Variants in ITGA9 observed in about 807,000 individuals in gnomAD.
The protein encoded by ITGA9 is integrin alpha-9.
A neutral mutation model predicts 127.8 loss-of-function variants in ITGA9; 56 were observed. That is an observed-to-expected ratio of 0.44 (90% CI 0.35 to 0.55). The LOEUF (loss-of-function observed/expected upper bound fraction) is 0.55. Ranked by LOEUF, ITGA9 falls within the 20% of genes least tolerant of loss-of-function variation. The pLI is 0.00. For synonymous variants in ITGA9, 508 were observed against 514.5 expected (o/e 0.99, Z 0.17); for missense variants, 1,196 against 1,347.1 (o/e 0.89, Z 1.76).
At chr3:37,589,325 C>A (rs1699789856) in intron 15 of ITGA9, among the ~76,000 whole-genome samples, 1 of 152,136 alleles carries the variant, frequency 6.6e-6, no homozygotes, top group Non-Finnish European at 1.5e-5. Context: ...TCATAGAGCA[C>A]CTATCATGTG....
intron 1 of ITGA9, among the ~76,000 whole-genome samples, chr3:37,466,123 ATGTGCCTGCT>A (rs1408339100): frequency 2.6e-5 from 4 of 152,068 alleles, no homozygotes; most frequent in African/African-American, 4.8e-5. Context: ...TGCACACTCT[ATGTGCCTGCT>A]ACATGCTGGT....
chr3:37,461,537 A>G (rs151097935), intron 1 of ITGA9, among the ~76,000 whole-genome samples: 60 of 152,302 alleles, frequency 3.9e-4, no homozygotes, highest in African/African-American at 1.4e-3. Flanking sequence ...TATGAAACCA[A>G]TGGTCTTTTT....
At chr3:37,619,601 G>C (rs560868048) in intron 15 of ITGA9, among the ~76,000 whole-genome samples, 99 of 152,274 alleles carry the variant, frequency 6.5e-4, no homozygotes, top group African/African-American at 2.3e-3. Flanking sequence ...TAGTTTTCTA[G>C]GCCACTTCAA....
chr3:37,468,023 G>A (rs987373657), intron 1 of ITGA9, among the ~76,000 whole-genome samples: 4 of 152,172 alleles, frequency 2.6e-5, no homozygotes, highest in Non-Finnish European at 5.9e-5. Flanking sequence ...TTGAGTTACA[G>A]CAGACAAGGG....
At chr3:37,522,718 A>C (rs1010606672) in intron 11 of ITGA9, among the ~76,000 whole-genome samples, 6 of 111,784 alleles carry the variant, frequency 5.4e-5, no homozygotes, top group African/African-American at 1.6e-4. Flanking sequence ...GCAAGACTCT[A>C]TCTCTTAAAA....
chr3:37,674,009 C>T lies in ITGA9; in HGVS notation c.1917-9856C>T, dbSNP rs138785590. On this transcript the variant is annotated intron_variant, in intron 17 of 27. Transcript: ENST00000264741. Reference sequence around the variant, plus strand: ...CTTTCTAGGACATGGCCTTAGCCTTCATAATACTGTTTGTTTACAGATTTC... The same window carrying T: ...CTTTCTAGGACATGGCCTTAGCCTTTATAATACTGTTTGTTTACAGATTTC... Among the ~76,000 whole-genome samples the T allele has an allele frequency of 4.3e-4, 66 of 152,306 alleles. No individual in the cohort carries two copies. The East Asian group carries it at 0.011, about 26-fold the overall frequency.
chr3:37,613,601 C>T (rs374991519), intron 15 of ITGA9, among the ~76,000 whole-genome samples: 2 of 152,158 alleles, frequency 1.3e-5, no homozygotes, highest in Admixed American at 6.6e-5. Context: ...GTGTTCTTAT[C>T]TCTCCACATC....
intron 18 of ITGA9, among the ~76,000 whole-genome samples, chr3:37,701,810 C>T (rs1700949401): frequency 6.6e-6 from 1 of 152,194 alleles, no homozygotes; most frequent in African/African-American, 2.4e-5. Flanking sequence ...TTCACTCACT[C>T]TTCTTTCTGG....
chr3:37,727,520 G>T (rs1696226851), intron 18 of ITGA9, among the ~76,000 whole-genome samples: 1 of 152,316 alleles, frequency 6.6e-6, no homozygotes, highest in East Asian at 1.9e-4. Flanking sequence ...CATTTATTCA[G>T]TGGCACTCAA....
At chr3:37,691,772 T>C (rs1439269304) in intron 18 of ITGA9, among the ~76,000 whole-genome samples, 1 of 152,100 alleles carries the variant, frequency 6.6e-6, no homozygotes, top group Non-Finnish European at 1.5e-5. Flanking sequence ...AGATGAGAGT[T>C]TGGGGCTTCA....
At chr3:37,568,715 G>T (rs1699572824) in intron 15 of ITGA9, among the ~76,000 whole-genome samples, 1 of 152,080 alleles carries the variant, frequency 6.6e-6, no homozygotes, top group South Asian at 2.1e-4. Context: ...TGCTAAAACA[G>T]CAAGAATCAC....
In ITGA9 at chr3:37,629,310, G is replaced by A; in HGVS notation, c.1813G>A (p.Gly605Arg). Residue 605 changes from glycine to arginine, a missense_variant, in exon 16 of 28, where the codon GGA (glycine) becomes AGA (arginine). Physicochemically the swap from Gly to Arg is moderately radical, Grantham distance 125. Transcript: ENST00000264741. This position sits in a 1 kb window ranked among gnomAD's most constrained non-coding sequence, Gnocchi z 4.5. ...PLTPVLRWKK[G>R]QKIAQKNQTV... ...GACACCAGTTCTCCGCTGGAAAAAG[G>A]GACAAAAGATTGCCCAAAAGAATCA... 5 of 1,614,076 alleles carry A rather than the reference G, an allele frequency of 3.1e-6. No homozygotes were observed. The highest frequency in any genetic ancestry group is 4.2e-6 in the Non-Finnish European group (5 of 1,180,022).
At chr3:37,661,172 G>T (rs750153817) in intron 17 of ITGA9, among the ~76,000 whole-genome samples, 3 of 152,224 alleles carry the variant, frequency 2.0e-5, no homozygotes, top group Non-Finnish European at 4.4e-5. Context: ...AGGTAGCCCT[G>T]TCTCTTATCC....
intron 18 of ITGA9, among the ~76,000 whole-genome samples, chr3:37,701,912 C>A (rs1700950811): frequency 6.6e-6 from 1 of 152,186 alleles, no homozygotes; most frequent in African/African-American, 2.4e-5. Context: ...CCACACAGGC[C>A]ATCTGGAAGC....
intron 15 of ITGA9, among the ~76,000 whole-genome samples, chr3:37,588,000 T>A (rs1699775378): frequency 6.6e-6 from 1 of 152,238 alleles, no homozygotes; most frequent in African/African-American, 2.4e-5. Flanking sequence ...TTGGGAAATC[T>A]TCCTGCTATC....
intron 17 of ITGA9, among the ~76,000 whole-genome samples, chr3:37,679,082 A>T (rs539579051): frequency 6.6e-6 from 1 of 152,296 alleles, no homozygotes; most frequent in Admixed American, 6.5e-5. Flanking sequence ...ATGCTGTAAG[A>T]TAAGCTTTAT....
At chr3:37,815,608 C>CAAA (rs71288088) in intron 27 of ITGA9, among the ~76,000 whole-genome samples, 2 of 92,560 alleles carry the variant, frequency 2.2e-5, no homozygotes, top group Non-Finnish European at 2.3e-5. Context: ...GACTCTGTCT[C>CAAA]AAAAAAAAAA....
Position 37,732,764 on chromosome 3 carries a change from G to C in ITGA9, c.2120G>C (p.Ser707Thr), listed in dbSNP as rs777235387. ...ELLESDFLKC[S>T]VGFPFMRSKS... ...CTGGAATCGGACTTCCTCAAATGCA[G>C]CGTGGGATTTCCTTTCATGAGGTCA... The change falls in exon 19 of 28, where the codon AGC becomes ACC. Residue 707 changes from serine (S) to threonine (T), a missense_variant. Physicochemically the swap from Ser to Thr is moderately conservative, Grantham distance 58. Transcript: ENST00000264741. 1 of 1,611,668 alleles carries C rather than the reference G, an allele frequency of 6.2e-7. No individual in the cohort carries two copies. The highest frequency in any genetic ancestry group is 8.5e-7 in the Non-Finnish European group (1 of 1,179,444).
intron 23 of ITGA9, among the ~76,000 whole-genome samples, chr3:37,760,839 T>C (rs577088265): frequency 6.6e-6 from 1 of 152,312 alleles, no homozygotes; most frequent in African/African-American, 2.4e-5. Context: ...TAAACTTTTA[T>C]GTGATCAAAA....
Sources: allele counts gnomAD v4.1 joint callset (sites outside exome capture counted in the v4.1 genomes callset), GRCh38; gene constraint gnomAD v4.1.1; non-coding constraint Gnocchi (gnomAD v3.1); transcripts MANE v1.5; gene names NCBI Gene and HGNC (gene_info 2026-07-23, HGNC 2026-07-21).